Variants in ANOS1 observed in about 807,000 individuals in gnomAD.
The protein encoded by ANOS1 is anosmin-1.
In ANOS1, 6 loss-of-function variants were observed where a neutral mutation model predicts 59.0. That is an observed-to-expected ratio of 0.10 (90% CI 0.06 to 0.20). The LOEUF (loss-of-function observed/expected upper bound fraction) is 0.20. Ranked by LOEUF, ANOS1 falls within the 10% of genes least tolerant of loss-of-function variation. The pLI, the probability that ANOS1 is intolerant of heterozygous loss-of-function variation, is 1.00. For missense variants in ANOS1, 433 were observed against 542.3 expected (o/e 0.80, Z 2.00); for synonymous variants, 217 against 223.4 (o/e 0.97, Z 0.25).
chrX:8,549,645 G>A (rs762827967), intron 9 of ANOS1, among the ~76,000 whole-genome samples: 2 of 112,164 alleles, frequency 1.8e-5, no homozygotes, highest in Admixed American at 9.5e-5. Flanking sequence ...AAGCAGTGCC[G>A]TAAGAATCCT....
At chrX:8,731,167 A>AC (rs1409581428) in intron 1 of ANOS1, among the ~76,000 whole-genome samples, 1 of 111,897 alleles carries the variant, frequency 8.9e-6, no homozygotes, top group Non-Finnish European at 1.9e-5. Context: ...CTGACGCTCT[A>AC]CGCTAGTCCA....
chrX:8,657,389 G>T (rs1473527705), intron 2 of ANOS1, among the ~76,000 whole-genome samples: 1 of 111,094 alleles, frequency 9.0e-6, no homozygotes, highest in Non-Finnish European at 1.9e-5. Flanking sequence ...TGAAACCTGA[G>T]GGTGGTTTTG....
At chrX:8,557,399 G>A (rs1379168493) in intron 8 of ANOS1, among the ~76,000 whole-genome samples, 1 of 111,159 alleles carries the variant, frequency 9.0e-6, no homozygotes, top group Non-Finnish European at 1.9e-5. Flanking sequence ...CTACAGAATG[G>A]GAGAAAATTT....
At chrX:8,703,686 G>T (rs1932767667) in intron 1 of ANOS1, among the ~76,000 whole-genome samples, 1 of 111,368 alleles carries the variant, frequency 9.0e-6, no homozygotes, top group African/African-American at 3.3e-5. Context: ...ATGAAGATTG[G>T]TCCAACAGTC....
chrX:8,702,565 A>G (rs922631222), intron 1 of ANOS1, among the ~76,000 whole-genome samples: 3 of 111,477 alleles, frequency 2.7e-5, no homozygotes, highest in Admixed American at 1.9e-4. Context: ...GTGTAGATTC[A>G]TACAGGATTG....
chrX:8,703,943 T>G (rs139856839), intron 1 of ANOS1, among the ~76,000 whole-genome samples: 1,556 of 111,775 alleles, frequency 0.014, 34 homozygotes, highest in African/African-American at 0.048. Context: ...CCCACCCAAA[T>G]CTCATCTTGA....
intron 1 of ANOS1, among the ~76,000 whole-genome samples, chrX:8,713,699 G>A (rs113714107): frequency 3.7e-5 from 4 of 107,457 alleles, no homozygotes; most frequent in African/African-American, 1.0e-4. Context: ...TGCAACCTCC[G>A]CCTCCCGGGT....
intron 1 of ANOS1, among the ~76,000 whole-genome samples, chrX:8,709,678 C>T (rs950690707): frequency 9.0e-6 from 1 of 111,595 alleles, no homozygotes; most frequent in Non-Finnish European, 1.9e-5. Flanking sequence ...TGTTTTGAAG[C>T]CTTCTTAGGT....
intron 2 of ANOS1, among the ~76,000 whole-genome samples, chrX:8,668,038 T>C (rs928942737): frequency 9.0e-5 from 10 of 110,622 alleles, no homozygotes; most frequent in Non-Finnish European, 1.3e-4. Flanking sequence ...TTTAAATTTT[T>C]TTTTTATTTC....
chrX:8,716,313 G>A (rs1291855722), intron 1 of ANOS1, among the ~76,000 whole-genome samples: 2 of 111,824 alleles, frequency 1.8e-5, no homozygotes, highest in Admixed American at 9.5e-5. Flanking sequence ...TGCCAAAGAC[G>A]CAAGGAAAGT....
chrX:8,650,589 A>C lies in ANOS1; in HGVS notation c.256-26919T>G, dbSNP rs1931835365. Among the ~76,000 whole-genome samples the C allele has an allele frequency of 3.6e-5, 4 of 111,903 alleles. No individual in the cohort carries two copies. In the Admixed American group the frequency reaches 3.8e-4, roughly 11 times the overall value. On this transcript the variant is annotated intron_variant, in intron 2 of 13. Coordinates refer to ENST00000262648, the MANE Select transcript of ANOS1 (RefSeq NM_000216.4). ...AAAAATGAGCTGGGAATGGTGGCGGACGTCTGTAATCCCAGCTACTCAGGA... is the reference window on the plus strand; with the variant it reads ...AAAAATGAGCTGGGAATGGTGGCGGCCGTCTGTAATCCCAGCTACTCAGGA...
chrX:8,646,125 C>T (rs1419577490), intron 2 of ANOS1, among the ~76,000 whole-genome samples: 3 of 111,717 alleles, frequency 2.7e-5, no homozygotes, highest in East Asian at 2.8e-4. Flanking sequence ...TAATAAAGAG[C>T]GAAAGGAAAG....
At chrX:8,665,273 T>G (rs896156294) in intron 2 of ANOS1, among the ~76,000 whole-genome samples, 19 of 111,988 alleles carry the variant, frequency 1.7e-4, no homozygotes, top group Non-Finnish European at 2.8e-4. Flanking sequence ...AACACACAAA[T>G]AAGAAGATAA....
chrX:8,571,060 G>A (rs774039942), intron 6 of ANOS1, among the ~76,000 whole-genome samples: 152 of 104,852 alleles, frequency 1.4e-3, no homozygotes, highest in African/African-American at 5.3e-3. Context: ...GCAGTGAGCC[G>A]CGATTAGCAC....
chrX:8,683,015 A>G (rs1448187847), intron 2 of ANOS1, among the ~76,000 whole-genome samples: 1 of 111,235 alleles, frequency 9.0e-6, no homozygotes, highest in African/African-American at 3.3e-5. Flanking sequence ...GGGGCCCGGG[A>G]ATCTGCATTT....
intron 2 of ANOS1, among the ~76,000 whole-genome samples, chrX:8,693,838 C>T (rs763227943): frequency 7.1e-4 from 73 of 103,367 alleles, no homozygotes; most frequent in African/African-American, 2.0e-3. Context: ...ACTCTCCTTT[C>T]GCAGCCTCCC....
chrX:8,578,393 A>G (rs1350114370), intron 6 of ANOS1, among the ~76,000 whole-genome samples: 1 of 110,722 alleles, frequency 9.0e-6, no homozygotes, highest in African/African-American at 3.3e-5. Flanking sequence ...TAGTTTCAAG[A>G]CATATGTACA....
intron 6 of ANOS1, among the ~76,000 whole-genome samples, chrX:8,578,478 C>T (rs910394604): frequency 1.8e-5 from 2 of 111,587 alleles, no homozygotes; most frequent in East Asian, 2.8e-4. Flanking sequence ...TGGGTCCCCA[C>T]GGGGCAACAG....
chrX:8,695,898 A>G (rs764722835), intron 2 of ANOS1, among the ~76,000 whole-genome samples: 1 of 111,821 alleles, frequency 8.9e-6, no homozygotes, highest in African/African-American at 3.3e-5. Context: ...TTATTAGTAA[A>G]GTGACTTTGT....
Sources: gnomAD v4.1 joint callset for allele counts (sites outside exome capture counted in the v4.1 genomes callset) on GRCh38, gnomAD v4.1.1 for gene constraint, MANE v1.5 for transcripts, NCBI Gene and HGNC (gene_info 2026-07-23, HGNC 2026-07-21) for gene names.